DHRS7B: variants seen among roughly 807,000 people sequenced by gnomAD.
DHRS7B encodes dehydrogenase/reductase 7B, also known as peroxisomal reductase activating PPAR-gamma.
Under a neutral mutation model 26.4 loss-of-function variants are expected in DHRS7B, and 24 were observed. That is an observed-to-expected ratio of 0.91 (90% CI 0.66 to 1.28). The LOEUF is 1.28. Among genes scored for constraint, DHRS7B ranks in the 50% most tolerant of loss-of-function variants. DHRS7B has a pLI of 0.00. For synonymous variants in DHRS7B, 142 were observed against 166.4 expected (o/e 0.85, Z 1.13); for missense variants, 368 against 419.4 (o/e 0.88, Z 1.07).
intron 1 of DHRS7B, chr17:21,171,813 C>T (rs1974253697): frequency 2.8e-6 from 2 of 707,696 alleles, no homozygotes; most frequent in Admixed American, 4.1e-5. Context: ...TTTCTGTCCG[C>T]TCATGTCAGT....
At chr17:21,176,888 C>T (rs10445412) in intron 2 of DHRS7B, among the ~76,000 whole-genome samples, 54,344 of 151,964 alleles carry the variant, frequency 0.36, 11,998 homozygotes, top group Non-Finnish European at 0.49. Context: ...TCCTGCTTTT[C>T]ATAAGCTGTA....
rs749445087 is a variant in DHRS7B at position 21,183,805 on chromosome 17, C to A, written c.521C>A (p.Thr174Lys). ...ETNYFGPVAL[T>K]KALLPSMIKR... is the part of the protein sequence containing the mutation. ...AACTACTTTGGCCCAGTTGCTCTAA[C>A]GAAAGGTAACAGTCTTGAGAAAAGA... Residue 174 changes from threonine to lysine, a missense_variant, in exon 4 of 7, where the codon ACG becomes AAG. Transcript: ENST00000395511. 1.1e-5 allele frequency: 17 copies of A among 1,613,528 alleles called. No individual in the cohort carries two copies. Among genetic ancestry groups the A allele is most frequent in the Non-Finnish European group, 1.4e-5 (17 of 1,179,568 alleles).
At chr17:21,179,505 C>A (rs974750297) in intron 3 of DHRS7B, among the ~76,000 whole-genome samples, 1 of 151,998 alleles carries the variant, frequency 6.6e-6, no homozygotes, top group Non-Finnish European at 1.5e-5. Flanking sequence ...AAGGCTGAGG[C>A]AGCAGAATCA....
intron 3 of DHRS7B, among the ~76,000 whole-genome samples, chr17:21,178,840 G>A (rs908136920): frequency 1.1e-4 from 16 of 151,964 alleles, no homozygotes; most frequent in African/African-American, 3.9e-4. Context: ...TGTATTTTTT[G>A]TAGAGACGTG....
chr17:21,188,638 AGTG>A, intron 5 of DHRS7B, 70 bp from the exon 6 acceptor site: 2 of 1,448,354 alleles, frequency 1.4e-6, no homozygotes, highest in Non-Finnish European at 1.9e-6. Flanking sequence ...CGTGAATGGT[AGTG>A]AATAGTTGGG....
At position 21,191,410 on chromosome 17, in the gene DHRS7B, T is replaced by G. The variant is rs1020732968; in HGVS notation, c.*257T>G. 1 of 485,270 alleles carries G rather than the reference T, an allele frequency of 2.1e-6. No homozygotes were observed. The highest frequency in any genetic ancestry group is 5.8e-4 in the Middle Eastern group (1 of 1,732). 30.1% of individuals were successfully genotyped at this position (485,270 alleles called of 1,614,324 possible). A position where few individuals can be genotyped will look rare whatever the true frequency, so the allele number is the denominator to read the frequency against. ...ACACTAAAAACTAGAAATAAACATC[T>G]CAAACAGTAAGAGTTGTAGTCTTCC... is the stretch of plus-strand genomic sequence containing the variant. On this transcript the variant is annotated 3_prime_UTR_variant, in exon 7 of 7. Coordinates refer to ENST00000395511, the MANE Select transcript of DHRS7B (RefSeq NM_015510.5).
chr17:21,131,568 T>C (rs1044882595), intron 1 of DHRS7B, among the ~76,000 whole-genome samples: 1 of 152,238 alleles, frequency 6.6e-6, no homozygotes, highest in Non-Finnish European at 1.5e-5. Context: ...AAGGTCTTTC[T>C]GACCTGTATC....
At chr17:21,152,074 C>A (rs1390872461) in intron 1 of DHRS7B, among the ~76,000 whole-genome samples, 1 of 152,208 alleles carries the variant, frequency 6.6e-6, no homozygotes, top group Non-Finnish European at 1.5e-5. Flanking sequence ...GATGCCAGCA[C>A]CATGTTTGCT....
At chr17:21,164,656 C>G (rs1192771882) in intron 1 of DHRS7B, among the ~76,000 whole-genome samples, 1 of 152,244 alleles carries the variant, frequency 6.6e-6, no homozygotes, top group Non-Finnish European at 1.5e-5. Flanking sequence ...TTGTTTCACA[C>G]TGATTGTTTC....
intron 1 of DHRS7B, among the ~76,000 whole-genome samples, chr17:21,148,146 C>G (rs1973682030): frequency 2.0e-5 from 3 of 151,972 alleles, no homozygotes; most frequent in Admixed American, 1.3e-4. Context: ...AACTCCTGGG[C>G]TCAAGCAATC....
chr17:21,141,640 A>AAAAAAAAAAAAAAG lies in DHRS7B; in HGVS notation c.20+14649_20+14650insAAAAAAAAAAAAAG. On this transcript the variant is annotated intron_variant, in intron 1 of 6. Coordinates refer to ENST00000395511, the MANE Select transcript of DHRS7B (RefSeq NM_015510.5). ...AAAGCAAAAAAAAAAAAAAAAAAAAACAACCTCATCTCAAACTCCACAAAG... is the reference window on the plus strand; with the variant it reads ...AAAGCAAAAAAAAAAAAAAAAAAAAAAAAAAAAAAAAAAGCAACCTCATCTCAAACTCCACAAAG... 8.7e-4 allele frequency among the ~76,000 whole-genome samples: 78 copies of AAAAAAAAAAAAAAG among 90,078 alleles called. 9 individuals are homozygous for AAAAAAAAAAAAAAG. Among genetic ancestry groups the AAAAAAAAAAAAAAG allele is most frequent in the Admixed American group, 1.1e-3 (8 of 6,958 alleles). The allele number at this position is 90,078 out of a possible 152,430, so 59.1% of individuals were successfully genotyped here. A position where few individuals can be genotyped will look rare whatever the true frequency, so the allele number is the denominator to read the frequency against.
At chr17:21,155,363 C>G (rs1973857248) in intron 1 of DHRS7B, among the ~76,000 whole-genome samples, 1 of 152,180 alleles carries the variant, frequency 6.6e-6, no homozygotes, top group African/African-American at 2.4e-5. Context: ...ACAGAGTAGA[C>G]TACAGAGCAA....
chr17:21,130,346 G>T (rs992448624), intron 1 of DHRS7B, among the ~76,000 whole-genome samples: 3 of 152,102 alleles, frequency 2.0e-5, no homozygotes, highest in African/African-American at 7.2e-5. Flanking sequence ...TCGAGATTGT[G>T]TCACTGTACT....
intron 5 of DHRS7B, among the ~76,000 whole-genome samples, chr17:21,187,114 A>ATATATATATATATATAT (rs1567631166): frequency 1.0e-5 from 1 of 100,248 alleles, no homozygotes; most frequent in African/African-American, 4.8e-5. Context: ...TATATATATA[A>ATATATATATATATATAT]AATATATAAA....
chr17:21,160,567 A>G (rs1213804401), intron 1 of DHRS7B, among the ~76,000 whole-genome samples: 1 of 152,250 alleles, frequency 6.6e-6, no homozygotes, highest in Non-Finnish European at 1.5e-5. Context: ...GAACATTGAC[A>G]TCACCAAATG....
rs143765888 is a variant in DHRS7B at position 21,151,929 on chromosome 17, T to C, written c.21-20089T>C. 2.0e-3 allele frequency among the ~76,000 whole-genome samples: 300 copies of C among 152,092 alleles called. 6 individuals carry two copies. The East Asian group carries it at 0.04, about 20-fold the overall frequency. ...TGCTGTCCTCGCAACAGTGAGTGAG[T>C]TTTCACAAGATCTGGCTGTGTAAAA... On this transcript the variant is annotated intron_variant, in intron 1 of 6. Coordinates refer to ENST00000395511, the MANE Select transcript of DHRS7B (RefSeq NM_015510.5).
chr17:21,167,984 TC>T (rs1974150822), intron 1 of DHRS7B, among the ~76,000 whole-genome samples: 1 of 152,204 alleles, frequency 6.6e-6, no homozygotes, highest in South Asian at 2.1e-4. Flanking sequence ...AGAACACTGT[TC>T]CTTTCTTCCA....
chr17:21,178,292 G>A lies in DHRS7B; in HGVS notation c.259G>A (p.Gly87Arg). The stretch of plus-strand genomic sequence containing the variant: ...ACTGGTGCTCTGTGGCCGGAATGGT[G>A]GGGCCCTAGAAGAGCTCATCAGAGA... The part of the protein sequence containing the change: ...AKLVLCGRNG[G>R]ALEELIRELT... The change falls in exon 3 of 7, where the codon GGG becomes AGG. Residue 87 changes from glycine to arginine, a missense_variant. Gly to Arg is a moderately radical substitution (Grantham distance 125). Coordinates refer to ENST00000395511, the MANE Select transcript of DHRS7B (RefSeq NM_015510.5). 6.2e-7 allele frequency: 1 copy of A among 1,614,206 alleles called. No individual in the cohort carries two copies.
At chr17:21,176,231 T>C (rs1974375715) in intron 2 of DHRS7B, among the ~76,000 whole-genome samples, 1 of 152,000 alleles carries the variant, frequency 6.6e-6, no homozygotes, top group African/African-American at 2.4e-5. Context: ...CAAGCGATCC[T>C]TCTGCCTCAG....
Sources: gnomAD v4.1 joint callset for allele counts (sites outside exome capture counted in the v4.1 genomes callset) on GRCh38, gnomAD v4.1.1 for gene constraint, MANE v1.5 for transcripts, NCBI Gene and HGNC (gene_info 2026-07-23, HGNC 2026-07-21) for gene names.